Variants in ACACB observed in about 807,000 individuals in gnomAD.
ACACB encodes acetyl-CoA carboxylase 2.
Under a neutral mutation model 278.8 loss-of-function variants are expected in ACACB, and 209 were observed. That is an observed-to-expected ratio of 0.75 (90% CI 0.67 to 0.84). The LOEUF (loss-of-function observed/expected upper bound fraction) is 0.84. Ranked by LOEUF, ACACB falls within the 40% of genes least tolerant of loss-of-function variation. The pLI is 0.00. For synonymous variants in ACACB, 1,174 were observed against 1,285.6 expected (o/e 0.91, Z 1.86); for missense variants, 2,850 against 3,269.0 (o/e 0.87, Z 3.13).
At chr12:109,111,540 T>G in the ACACB span, 1 of 151,446 alleles carries the variant, frequency 6.6e-6, no homozygotes, top group Non-Finnish European at 1.5e-5. Flanking sequence ...ACAATTGTGT[T>G]TTTTTTTCTT....
chr12:109,130,200 A>T lies in ACACB; in HGVS notation c.-9-9197A>T, dbSNP rs529066182. Among the ~76,000 whole-genome samples, 30 of 152,310 alleles carry T rather than the reference A, an allele frequency of 2.0e-4. No homozygotes were observed. In the East Asian group the frequency reaches 5.6e-3, roughly 28 times the overall value. ...GCTCAGATGTGTACAGCCCAACTGCATCCAGCACTGCACTCAGTGCCCCAG... is the reference window on the plus strand; with the variant it reads ...GCTCAGATGTGTACAGCCCAACTGCTTCCAGCACTGCACTCAGTGCCCCAG... On this transcript the variant is annotated intron_variant, in intron 1 of 52. Transcript: ENST00000338432.
At chr12:109,122,572 CAAAAAAAAAAA>C (rs59516728) in intron 1 of ACACB, among the ~76,000 whole-genome samples, 4 of 61,836 alleles carry the variant, frequency 6.5e-5, no homozygotes, top group Non-Finnish European at 9.2e-5. Flanking sequence ...GACATTGTCT[CAAAAAAAAAAA>C]AAAAAAAAAA....
At chr12:109,253,297 C>G in intron 43 of ACACB, 139 bp downstream of exon 43, 1 of 924,458 alleles carries the variant, frequency 1.1e-6, no homozygotes, top group Non-Finnish European at 1.6e-6. Flanking sequence ...GTTGATTTTT[C>G]TTACTCCTTC....
intron 12 of ACACB, 42 bp from the exon 13 acceptor site, chr12:109,187,957 G>A (rs773003035): frequency 3.2e-6 from 5 of 1,575,158 alleles, no homozygotes; most frequent in African/African-American, 1.4e-5. Flanking sequence ...TATATCTGGA[G>A]TAATGATTTC....
intron 28 of ACACB, among the ~76,000 whole-genome samples, chr12:109,229,670 C>T (rs2046413730): frequency 1.3e-5 from 2 of 152,134 alleles, no homozygotes; most frequent in Non-Finnish European, 2.9e-5. Flanking sequence ...GCTGGGACCA[C>T]AGTCATGCAC....
intron 2 of ACACB, among the ~76,000 whole-genome samples, chr12:109,154,201 C>T (rs1280865472): frequency 3.3e-5 from 5 of 152,358 alleles, no homozygotes; most frequent in African/African-American, 1.2e-4. Context: ...TGGAGGCACT[C>T]GCTTCAGTAG....
Position 109,168,004 on chromosome 12 carries a change from G to A in ACACB, c.895G>A (p.Val299Met), listed in dbSNP as rs573637382. ...NERAIRFVVM[V>M]TPEDLKANAE... ...GCGGGCCATCCGGTTTGTTGTGATG[G>A]TGACCCCCGAGGACCTTAAGGCCAA... The change falls in exon 4 of 53, where the codon GTG (valine) becomes ATG (methionine). Residue 299 changes from valine (V) to methionine (M), a missense_variant. Physicochemically the swap from Val to Met is conservative, Grantham distance 21. Around this residue, in one of 3 missense-constraint regions of ACACB, gnomAD observed 2,265 missense variants for 2,561.3 expected, o/e 0.88. Transcript: ENST00000338432. 4.3e-6 allele frequency: 7 copies of A among 1,613,474 alleles called. No individual in the cohort carries two copies. In the African/African-American group the frequency reaches 9.3e-5, roughly 22 times the overall value.
intron 4 of ACACB, among the ~76,000 whole-genome samples, chr12:109,169,000 C>T (rs2044012322): frequency 6.6e-6 from 1 of 152,040 alleles, no homozygotes. Context: ...CAAAAATTTG[C>T]CGGGCATGGT....
intron 11 of ACACB, among the ~76,000 whole-genome samples, 173 bp from the exon 12 acceptor site, chr12:109,185,406 T>C (rs2136245197): frequency 6.6e-6 from 1 of 152,358 alleles, no homozygotes; most frequent in Admixed American, 6.5e-5. Flanking sequence ...GTCTTATGGC[T>C]TTTTCTTTCT....
intron 13 of ACACB, among the ~76,000 whole-genome samples, chr12:109,191,289 C>T (rs2044870722): frequency 6.6e-6 from 1 of 151,998 alleles, no homozygotes; most frequent in South Asian, 2.1e-4. Context: ...TCTCAGCTCC[C>T]TGCAACCTCT....
In ACACB at chr12:109,266,771, A is replaced by G. The variant is rs1244129428; in HGVS notation, c.*409A>G. On this transcript the variant is annotated 3_prime_UTR_variant, in exon 53 of 53. Transcript: ENST00000338432. ...AGACCAGCACCAGATGTAAGTAAGC[A>G]TCTCATATATTTCAGCCAAATAAAT... The G allele has an allele frequency of 6.5e-6, 1 of 153,474 alleles. No homozygotes were observed. The highest frequency in any genetic ancestry group is 2.4e-5 in the African/African-American group (1 of 41,484). The allele number at this position is 153,474 out of a possible 1,614,324, so 9.5% of individuals were successfully genotyped here. A position where few individuals can be genotyped will look rare whatever the true frequency, so the allele number is the denominator to read the frequency against.
At chr12:109,252,274 A>C (rs2047117368) in intron 42 of ACACB, 118 bp downstream of exon 42, 2 of 644,436 alleles carry the variant, frequency 3.1e-6, no homozygotes, top group South Asian at 5.8e-5. Context: ...ATTCCTACTG[A>C]TACAAGAGCT....
At chr12:109,147,162 A>G (rs1327735542) in intron 2 of ACACB, among the ~76,000 whole-genome samples, 1 of 152,132 alleles carries the variant, frequency 6.6e-6, no homozygotes, top group Non-Finnish European at 1.5e-5. Flanking sequence ...CAGTATCTTT[A>G]TCAATCACTC....
chr12:109,239,937 C>T lies in ACACB; in HGVS notation c.4770C>T (p.Asn1590=), dbSNP rs1203024035. The change falls in exon 35 of 53, where the codon AAC becomes AAT. Residue 1590 remains asparagine, a synonymous_variant. Transcript: ENST00000338432. ...ACACCAGCGTGCGCACCGACTGCAA[C>T]CACATCTTCCTCAACTTCGTGCCCA... ...FNNTSVRTDC[N]HIFLNFVPTV... 1.2e-6 allele frequency: 2 copies of T among 1,614,192 alleles called. No individual in the cohort carries two copies. Among genetic ancestry groups the T allele is most frequent in the South Asian group, 2.2e-5 (2 of 91,076 alleles).
At chr12:109,186,917 C>T (rs2044682350) in intron 12 of ACACB, among the ~76,000 whole-genome samples, 1 of 152,168 alleles carries the variant, frequency 6.6e-6, no homozygotes, top group Admixed American at 6.5e-5. Flanking sequence ...AATCCTTCAT[C>T]CCTTAGTTCA....
chr12:109,184,184 C>T (rs961555401), intron 11 of ACACB, among the ~76,000 whole-genome samples: 2 of 152,040 alleles, frequency 1.3e-5, no homozygotes, highest in Non-Finnish European at 2.9e-5. Flanking sequence ...TCCCGAGTAG[C>T]TGGGATTATA....
chr12:109,180,344 G>A lies in ACACB; in HGVS notation c.1818+257G>A, dbSNP rs1271462579. Among the ~76,000 whole-genome samples the A allele has an allele frequency of 4.6e-5, 7 of 152,198 alleles. 1 individual carries two copies. Among genetic ancestry groups the A allele is most frequent in the Admixed American group, 3.3e-4 (5 of 15,286 alleles). ...TTATCACTCCCTGCAAGGATCCTTT[G>A]GACACATTTTATATCCTAATCCCTG... On this transcript the variant is annotated intron_variant, in intron 11 of 52. Coordinates refer to ENST00000338432, the MANE Select transcript of ACACB (RefSeq NM_001093.4).
chr12:109,166,191 C>T (rs1459320902), intron 2 of ACACB, among the ~76,000 whole-genome samples: 11 of 152,086 alleles, frequency 7.2e-5, no homozygotes, highest in Admixed American at 6.5e-4. Context: ...TGTAACAAGT[C>T]GGAACGATTA....
At chr12:109,262,117 A>G (rs2047394563) in intron 48 of ACACB, among the ~76,000 whole-genome samples, 1 of 152,242 alleles carries the variant, frequency 6.6e-6, no homozygotes, top group East Asian at 1.9e-4. Flanking sequence ...GGCCCTCCAG[A>G]GTTCAGAAAG....
Sources: allele counts gnomAD v4.1 joint callset (sites outside exome capture counted in the v4.1 genomes callset), GRCh38; gene constraint gnomAD v4.1.1; regional missense constraint gnomAD v4.1.1; transcripts MANE v1.5; gene names NCBI Gene and HGNC (gene_info 2026-07-23, HGNC 2026-07-21).